ZBTB20: variants seen among roughly 807,000 people sequenced by gnomAD.
The protein encoded by ZBTB20 is zinc finger and BTB domain-containing protein 20.
A neutral mutation model predicts 56.9 loss-of-function variants in ZBTB20; 9 were observed. The ratio of observed to expected loss-of-function variants is 0.16; its 90% CI spans 0.10 to 0.28. The LOEUF is 0.28. ZBTB20 is among the 10% of genes least tolerant of loss of function. The pLI is 1.00. For synonymous variants in ZBTB20, 417 were observed against 420.7 expected (o/e 0.99, Z 0.11); for missense variants, 655 against 1,003.0 (o/e 0.65, Z 4.69).
intron 4 of ZBTB20, among the ~76,000 whole-genome samples, chr3:114,841,707 CA>C (rs2074392782): frequency 6.6e-6 from 1 of 152,014 alleles, no homozygotes; most frequent in African/African-American, 2.4e-5. Context: ...ATGTTTGGGG[CA>C]AAGAGGTGAG....
chr3:114,484,423 G>C (rs2041883236), intron 7 of ZBTB20, among the ~76,000 whole-genome samples: 1 of 152,170 alleles, frequency 6.6e-6, no homozygotes, highest in African/African-American at 2.4e-5. Context: ...TAATAATCAA[G>C]AGAAGATCTG....
intron 7 of ZBTB20, among the ~76,000 whole-genome samples, chr3:114,476,090 A>T (rs1248846461): frequency 2.0e-5 from 3 of 152,200 alleles, no homozygotes; most frequent in African/African-American, 7.2e-5. Context: ...ATTATACCAT[A>T]TGTATTACTA....
chr3:114,886,022 T>C (rs1176239870), intron 4 of ZBTB20, among the ~76,000 whole-genome samples: 1 of 152,206 alleles, frequency 6.6e-6, no homozygotes, highest in Non-Finnish European at 1.5e-5. Context: ...GGTCAGCAAA[T>C]GCTTCCAATT....
chr3:114,931,698 T>TTG lies in ZBTB20; in HGVS notation c.-455-31358_-455-31357dup, dbSNP rs1226921901. ...ACAAAGGTTTTTATTGTTGTTGTTT[T>TTG]TGTGTGTTTTTTTTTTAGTTTGGTT... is the stretch of plus-strand genomic sequence containing the variant. On this transcript the variant is annotated intron_variant, in intron 3 of 11. Transcript: ENST00000675478. Among the ~76,000 whole-genome samples, 8 of 152,198 alleles carry TTG rather than the reference T, an allele frequency of 5.3e-5. No homozygotes were observed. The East Asian group carries it at 1.5e-3, about 29-fold the overall frequency.
chr3:114,343,435 C>T (rs765990254), intron 11 of ZBTB20, among the ~76,000 whole-genome samples: 73 of 152,134 alleles, frequency 4.8e-4, no homozygotes, highest in Non-Finnish European at 9.3e-4. Context: ...CTCTGCCTCC[C>T]CATCATCTGC....
intron 3 of ZBTB20, among the ~76,000 whole-genome samples, chr3:114,930,201 G>A (rs914145681): frequency 2.0e-5 from 3 of 152,084 alleles, no homozygotes; most frequent in Admixed American, 6.6e-5. Flanking sequence ...GAAACGGAGC[G>A]AACTTTAGGT....
chr3:114,421,187 C>A (rs980484071), intron 7 of ZBTB20, among the ~76,000 whole-genome samples: 3 of 152,064 alleles, frequency 2.0e-5, no homozygotes, highest in African/African-American at 7.2e-5. Context: ...TTTTTGCCAG[C>A]TCACTATGCA....
chr3:114,679,112 C>A (rs188898067), intron 6 of ZBTB20, among the ~76,000 whole-genome samples: 5 of 152,226 alleles, frequency 3.3e-5, no homozygotes, highest in Non-Finnish European at 5.9e-5. Context: ...CCCTTCCTTA[C>A]ACCTTATACA....
At position 114,334,938 on chromosome 3, in the gene ZBTB20, T is replaced by A. The variant is rs911889457; in HGVS notation, c.*4067A>T. 6.6e-6 allele frequency: 1 copy of A among 152,202 alleles called. No individual in the cohort carries two copies. The highest frequency in any genetic ancestry group is 1.5e-5 in the Non-Finnish European group (1 of 68,034). 9.4% of individuals were successfully genotyped at this position (152,202 alleles called of 1,614,324 possible). On this transcript the variant is annotated 3_prime_UTR_variant, in exon 12 of 12. Transcript: ENST00000675478. ...TCCCCCTGTGTAGAATTGTAACAGA[T>A]CCATGTGTTCCAATTATTTTCTTTT...
At chr3:115,050,686 C>T (rs537022441) in intron 2 of ZBTB20, among the ~76,000 whole-genome samples, 166 of 152,164 alleles carry the variant, frequency 1.1e-3, no homozygotes, top group African/African-American at 3.8e-3. Context: ...CTCACGCATA[C>T]AGGCATAACT....
At chr3:114,933,217 G>A (rs1206863845) in intron 3 of ZBTB20, among the ~76,000 whole-genome samples, 1 of 152,178 alleles carries the variant, frequency 6.6e-6, no homozygotes, top group Non-Finnish European at 1.5e-5. Flanking sequence ...ACAAATCTTT[G>A]TTGTTTTAAG....
At chr3:114,677,625 G>A (rs1358277484) in intron 6 of ZBTB20, among the ~76,000 whole-genome samples, 6 of 152,138 alleles carry the variant, frequency 3.9e-5, no homozygotes, top group African/African-American at 1.2e-4. Flanking sequence ...TGGCAAAAAC[G>A]TTGGTGGCTG....
intron 5 of ZBTB20, among the ~76,000 whole-genome samples, chr3:114,700,873 A>G (rs2063350031): frequency 6.6e-6 from 1 of 152,178 alleles, no homozygotes; most frequent in South Asian, 2.1e-4. Flanking sequence ...GGGGTTTGTA[A>G]TTCAGTTAAA....
rs537203846 is a variant in ZBTB20 at position 114,812,713 on chromosome 3, G to T, written c.-416-11539C>A. On this transcript the variant is annotated intron_variant, in intron 4 of 11. Coordinates refer to ENST00000675478, the MANE Select transcript of ZBTB20 (RefSeq NM_001348800.3). ...GTGGGCCCGCACTCCTCAGCCCTTG[G>T]GTGGTCGATGGGACTGGGCGCCGTG... 2.6e-4 allele frequency among the ~76,000 whole-genome samples: 39 copies of T among 152,352 alleles called. No individual in the cohort carries two copies. In the East Asian group the frequency reaches 6.9e-3, roughly 27 times the overall value.
chr3:114,440,082 GAGA>G (rs1387523739), intron 7 of ZBTB20, among the ~76,000 whole-genome samples: 3 of 151,620 alleles, frequency 2.0e-5, no homozygotes, highest in African/African-American at 7.3e-5. Context: ...GTAATCAGCA[GAGA>G]AGGTCTTACT....
chr3:114,756,254 T>C (rs923960664), intron 5 of ZBTB20, among the ~76,000 whole-genome samples: 21 of 152,300 alleles, frequency 1.4e-4, no homozygotes, highest in African/African-American at 4.3e-4. Context: ...CCTAAAATAA[T>C]TGACATATTT....
chr3:114,516,003 AAT>A (rs1491375415), intron 6 of ZBTB20, among the ~76,000 whole-genome samples: 3 of 145,522 alleles, frequency 2.1e-5, no homozygotes, highest in African/African-American at 7.8e-5. Context: ...CTAATTAAAC[AAT>A]TTTTTTTTTT....
At chr3:114,435,994 T>C (rs1188187650) in intron 7 of ZBTB20, among the ~76,000 whole-genome samples, 1 of 152,136 alleles carries the variant, frequency 6.6e-6, no homozygotes, top group Non-Finnish European at 1.5e-5. Flanking sequence ...AAAATGTGTT[T>C]GAAGTTCACC....
At chr3:114,839,020 CT>C (rs1304936185) in intron 4 of ZBTB20, among the ~76,000 whole-genome samples, 1 of 152,124 alleles carries the variant, frequency 6.6e-6, no homozygotes, top group Non-Finnish European at 1.5e-5. Context: ...GTCACTCACT[CT>C]TTTACTGATA....
Sources: gnomAD v4.1 joint callset for allele counts (sites outside exome capture counted in the v4.1 genomes callset) on GRCh38, gnomAD v4.1.1 for gene constraint, MANE v1.5 for transcripts, NCBI Gene and HGNC (gene_info 2026-07-23, HGNC 2026-07-21) for gene names.